The following KLK7 variants were observed in gnomAD, a reference collection of about 807,000 sequenced individuals.
KLK7 encodes the protein kallikrein-7.
KLK7 carries 17 observed loss-of-function variants against 21.0 expected under a neutral mutation model. The observed-to-expected ratio is 0.81, with a 90% CI of 0.55 to 1.21. The LOEUF is 1.21. KLK7 is among the 50% of genes most tolerant of loss of function. The pLI is 0.00. For synonymous variants in KLK7, 151 were observed against 134.6 expected (o/e 1.12, Z -0.85); for missense variants, 330 against 322.8 (o/e 1.02, Z -0.17).
At chr19:50,982,828 T>C (rs1261318946) in intron 1 of KLK7, among the ~76,000 whole-genome samples, 1 of 84,356 alleles carries the variant, frequency 1.2e-5, no homozygotes. Context: ...TCCTCCTCCC[T>C]CAGACCTAGG....
Position 50,982,434 on chromosome 19 carries a change from G to A in KLK7, c.-35C>T, listed in dbSNP as rs371710137. ...CTGAGCCGCTCAGGGGCTGCCAGGC[G>A]AGGAAGGGCCTCTCCTGCTGGAGCT... On this transcript the variant is annotated 5_prime_UTR_variant, in exon 2 of 6. Coordinates refer to ENST00000595820, the MANE Select transcript of KLK7 (RefSeq NM_005046.4). The A allele has an allele frequency of 5.2e-5, 82 of 1,583,980 alleles. 1 individual carries two copies. In the South Asian group the frequency reaches 6.4e-4, roughly 12 times the overall value.
intron 2 of KLK7, 45 bp downstream of exon 2, chr19:50,982,282 G>T (rs562428721): frequency 3.8e-6 from 6 of 1,588,376 alleles, no homozygotes; most frequent in Non-Finnish European, 5.1e-6. Flanking sequence ...GAGAGGGTCA[G>T]TGGGGGCCCT....
At chr19:50,979,177 G>A (rs1387043229) in intron 5 of KLK7, among the ~76,000 whole-genome samples, 1 of 152,146 alleles carries the variant, frequency 6.6e-6, no homozygotes, top group Non-Finnish European at 1.5e-5. Context: ...CAGGGCCAGG[G>A]TCAGGTGAGT....
In KLK7 at chr19:50,981,836, T is replaced by G; in HGVS notation, c.152A>C (p.Asn51Thr). Residue 51 changes from asparagine to threonine, a missense_variant, in exon 3 of 6, where the codon AAT (asparagine) becomes ACT (threonine). By Grantham distance (65) the Asn-to-Thr change is moderately conservative (BLOSUM62 0). Coordinates refer to ENST00000595820, the MANE Select transcript of KLK7 (RefSeq NM_005046.4). ...CAGGACGCCTCCGCAGTGGAGCTGATTGCCACTGAGCAGGGCCACCTGCCA... is the reference window on the plus strand; with the variant it reads ...CAGGACGCCTCCGCAGTGGAGCTGAGTGCCACTGAGCAGGGCCACCTGCCA... ...HPWQVALLSGNQLHCGGVLVN... is the reference protein window; with the variant it reads ...HPWQVALLSGTQLHCGGVLVN... The G allele has an allele frequency of 6.2e-7, 1 of 1,609,426 alleles. No individual in the cohort carries two copies. Among genetic ancestry groups the G allele is most frequent in the Non-Finnish European group, 8.5e-7 (1 of 1,178,554 alleles).
rs1171880343 is a variant in KLK7 at position 50,976,487 on chromosome 19, TC to T, written c.*1048del. 6.6e-6 allele frequency: 1 copy of T among 152,184 alleles called. No individual in the cohort carries two copies. The highest frequency in any genetic ancestry group is 2.4e-5 in the African/African-American group (1 of 41,444). The allele number at this position is 152,184 out of a possible 1,614,324, so 9.4% of individuals were successfully genotyped here. A position where few individuals can be genotyped will look rare whatever the true frequency, so the allele number is the denominator to read the frequency against. On this transcript the variant is annotated 3_prime_UTR_variant, in exon 6 of 6. Transcript: ENST00000595820. ...CCAATCTTAGATCTTCAGACTTTTTTCCCCACCTTTATTTTTCATGTTATAA... is the reference window on the plus strand; with the variant it reads ...CCAATCTTAGATCTTCAGACTTTTTTCCCACCTTTATTTTTCATGTTATAA...
chr19:50,981,936 C>T, intron 2 of KLK7, 22 bp from the exon 3 acceptor site: 1 of 1,611,488 alleles, frequency 6.2e-7, no homozygotes, highest in Non-Finnish European at 8.5e-7. Flanking sequence ...CATGGAGGAG[C>T]ACGTGGGTAG....
At chr19:50,981,590 GCCAGGGAGAGAGGGGGACAGAGCC>G (rs1568549441) in intron 3 of KLK7, among the ~76,000 whole-genome samples, 153 bp downstream of exon 3, 2 of 133,440 alleles carry the variant, frequency 1.5e-5, no homozygotes, top group African/African-American at 5.6e-5. Flanking sequence ...GAGACAGAGA[GCCAGGGAGAGAGGGGGACAGAGCC>G]CCAGGGAGAG....
At chr19:50,979,139 T>G (rs1600109236) in intron 5 of KLK7, among the ~76,000 whole-genome samples, 1 of 148,728 alleles carries the variant, frequency 6.7e-6, no homozygotes, top group Non-Finnish European at 1.5e-5. Context: ...AGAGAGGAGG[T>G]GGAGAGAAAG....
chr19:50,983,631 A>T, intron 1 of KLK7: 1 of 502,790 alleles, frequency 2.0e-6, no homozygotes, highest in Non-Finnish European at 3.0e-6. Context: ...CTAGAGACCC[A>T]GGAATCTAGG....
chr19:50,982,301 G>A (rs766215514), intron 2 of KLK7, 26 bp downstream of exon 2: 2 of 1,603,668 alleles, frequency 1.2e-6, no homozygotes, highest in Admixed American at 1.7e-5. Context: ...CTGAGGTGAG[G>A]TCAGACTTCC....
At chr19:50,978,467 GGA>G (rs1014357275) in intron 5 of KLK7, among the ~76,000 whole-genome samples, 27 of 147,630 alleles carry the variant, frequency 1.8e-4, no homozygotes, top group South Asian at 4.7e-4. Flanking sequence ...AAGGGTATGG[GGA>G]GAGAGAGAGA....
rs62115740 is a variant in KLK7, at chr19:50,982,433, C to T, written c.-34G>A. The T allele has an allele frequency of 1.1e-4, 171 of 1,583,932 alleles. No homozygotes were observed. Among genetic ancestry groups the T allele is most frequent in the Admixed American group, 2.6e-4 (14 of 54,516 alleles). On this transcript the variant is annotated 5_prime_UTR_variant, in exon 2 of 6. Transcript: ENST00000595820. ...GCTGAGCCGCTCAGGGGCTGCCAGG[C>T]GAGGAAGGGCCTCTCCTGCTGGAGC...
At position 50,979,676 on chromosome 19, in the gene KLK7, G is replaced by T. The variant is rs187679732; in HGVS notation, c.606+112C>A. On this transcript the variant is annotated intron_variant, in intron 5 of 5. Coordinates refer to ENST00000595820, the MANE Select transcript of KLK7 (RefSeq NM_005046.4). ...GGAAAAAGCTGAGGAGGCCAGGCCT[G>T]GGGGGAGGGCAAGGCCGGGCTTGGT... is the stretch of plus-strand genomic sequence containing the variant. The T allele has an allele frequency of 2.9e-3, 3,069 of 1,055,634 alleles. 18 individuals are homozygous for T. Among genetic ancestry groups the T allele is most frequent in the Non-Finnish European group, 2.6e-3 (1,889 of 724,962 alleles). The allele number at this position is 1,055,634 out of a possible 1,614,324, so 65.4% of individuals were successfully genotyped here.
rs1399063162 is a variant in KLK7 at position 50,977,465 on chromosome 19, A to G, written c.*71T>C. On this transcript the variant is annotated 3_prime_UTR_variant, in exon 6 of 6. Coordinates refer to ENST00000595820, the MANE Select transcript of KLK7 (RefSeq NM_005046.4). ...GAAAGGTAAAGTCAAATTTGACTTC[A>G]TAGGTCATCGGCGTCCTCACTCCTG... 8.9e-6 allele frequency: 13 copies of G among 1,465,456 alleles called. No homozygotes were observed. Among genetic ancestry groups the G allele is most frequent in the Admixed American group, 5.1e-5 (3 of 58,454 alleles). The allele number at this position is 1,465,456 out of a possible 1,614,324, so 90.8% of individuals were successfully genotyped here.
intron 5 of KLK7, among the ~76,000 whole-genome samples, chr19:50,978,574 A>T (rs1568547555): frequency 1.6e-5 from 2 of 123,820 alleles, no homozygotes; most frequent in Non-Finnish European, 3.3e-5. Context: ...AGAGAGAGAG[A>T]TGGGGGTGGA....
In KLK7 at chr19:50,979,894, T is replaced by C. The variant is rs2091063440; in HGVS notation, c.500A>G (p.Asp167Gly). The C allele has an allele frequency of 6.3e-7, 1 of 1,594,216 alleles. No homozygotes were observed. Among genetic ancestry groups the C allele is most frequent in the Admixed American group, 1.8e-5 (1 of 56,664 alleles). Residue 167 changes from aspartate (D) to glycine (G), a missense_variant, in exon 5 of 6, where the codon GAT becomes GGT. By Grantham distance (94) the Asp-to-Gly change is moderately conservative. Coordinates refer to ENST00000595820, the MANE Select transcript of KLK7 (RefSeq NM_005046.4). ...GTCCTGGGGGGAGATGAGCTTGACA[T>C]CCACGCACATGAGGTCAGAGGGAAA... ...VTFPSDLMCV[D>G]VKLISPQDCT...
rs1381608810 is a variant in KLK7, at chr19:50,983,907, C to G, written c.-115G>C. On this transcript the variant is annotated 5_prime_UTR_variant, in exon 1 of 6. Coordinates refer to ENST00000595820, the MANE Select transcript of KLK7 (RefSeq NM_005046.4). ...ACTTGGGCTGGCACACAGCTGGGCTCCAAAATCTTCATCCCTCTGCTGGGC... is the reference window on the plus strand; with the variant it reads ...ACTTGGGCTGGCACACAGCTGGGCTGCAAAATCTTCATCCCTCTGCTGGGC... 1 of 1,289,110 alleles carries G rather than the reference C, an allele frequency of 7.8e-7. No individual in the cohort carries two copies. Among genetic ancestry groups the G allele is most frequent in the East Asian group, 5.6e-5 (1 of 18,008 alleles). The allele number at this position is 1,289,110 out of a possible 1,614,324, so 79.9% of individuals were successfully genotyped here.
At chr19:50,981,018 C>G (rs2091077996) in intron 3 of KLK7, among the ~76,000 whole-genome samples, 1 of 106,840 alleles carries the variant, frequency 9.4e-6, no homozygotes, top group Admixed American at 1.3e-4. Flanking sequence ...GAGAGGGGGA[C>G]AGAGATCCAG....
At position 50,981,714 on chromosome 19, in the gene KLK7, T is replaced by C. The variant is rs575454414; in HGVS notation, c.221+53A>G. 278 of 1,499,506 alleles carry C rather than the reference T, an allele frequency of 1.9e-4. 3 individuals carry two copies. The highest frequency in any genetic ancestry group is 2.4e-4 in the Non-Finnish European group (265 of 1,114,660). The allele number at this position is 1,499,506 out of a possible 1,614,324, so 92.9% of individuals were successfully genotyped here. On this transcript the variant is annotated intron_variant, in intron 3 of 5. Transcript: ENST00000595820. ...CAGAAAGACTGCCCTTCCACCCCCA[T>C]AGCGAGCTGGAGACGCTGGTGCACC...
Sources: allele counts gnomAD v4.1 joint callset (sites outside exome capture counted in the v4.1 genomes callset), GRCh38; gene constraint gnomAD v4.1.1; transcripts MANE v1.5; gene names NCBI Gene and HGNC (gene_info 2026-07-23, HGNC 2026-07-21).